The following KSR2 variants were observed in gnomAD, a reference collection of about 807,000 sequenced individuals.
The protein encoded by KSR2 is kinase suppressor of ras 2.
KSR2 carries 25 observed loss-of-function variants against 107.8 expected under a neutral mutation model. The ratio of observed to expected loss-of-function variants is 0.23; its 90% CI spans 0.17 to 0.32. The LOEUF is 0.32. KSR2 is among the 10% of genes least tolerant of loss of function. The probability of loss-of-function intolerance (pLI) is 1.00; values close to 1 mark genes in which losing one functional copy is unlikely to be tolerated. For missense variants in KSR2, 887 were observed against 1,268.9 expected, an observed-to-expected ratio of 0.70 and a Z score of 4.57; for synonymous variants, 480 against 507.0, an observed-to-expected ratio of 0.95 and a Z score of 0.71.
At chr12:117,820,051 T>A (rs1891510249) in intron 3 of KSR2, among the ~76,000 whole-genome samples, 1 of 152,244 alleles carries the variant, frequency 6.6e-6, no homozygotes, top group Non-Finnish European at 1.5e-5. Flanking sequence ...TTATGGGTGA[T>A]TTGGTTTTCT....
chr12:117,895,623 G>A (rs369323708), intron 1 of KSR2, among the ~76,000 whole-genome samples: 35 of 152,232 alleles, frequency 2.3e-4, no homozygotes, highest in African/African-American at 7.9e-4. Context: ...GAACCCTCCT[G>A]CATCACTGGG....
chr12:117,842,927 T>A lies in KSR2; in HGVS notation c.472+12501A>T, dbSNP rs1445969826. Among the ~76,000 whole-genome samples, 1 of 152,124 alleles carries A rather than the reference T, an allele frequency of 6.6e-6. No homozygotes were observed. Among genetic ancestry groups the A allele is most frequent in the African/African-American group, 2.4e-5 (1 of 41,424 alleles). On this transcript the variant is annotated intron_variant, in intron 3 of 19. Transcript: ENST00000339824. This position sits in a 1 kb window ranked among gnomAD's most constrained non-coding sequence, Gnocchi z 4.2. ...TCCTGCCCCTCCCTCCACCCCTGCCTTAGTGGGGACCAGTCAGTGGCTCTG... is the reference window on the plus strand; with the variant it reads ...TCCTGCCCCTCCCTCCACCCCTGCCATAGTGGGGACCAGTCAGTGGCTCTG...
intron 1 of KSR2, among the ~76,000 whole-genome samples, chr12:117,908,232 A>T (rs1013668315): frequency 5.9e-5 from 9 of 151,986 alleles, no homozygotes; most frequent in African/African-American, 2.2e-4. Flanking sequence ...AAAATAATTT[A>T]AAAACTCATT....
chr12:117,496,853 ATT>A (rs879774490), intron 14 of KSR2, among the ~76,000 whole-genome samples: 11 of 143,164 alleles, frequency 7.7e-5, no homozygotes, highest in South Asian at 2.2e-4. Context: ...CTGAACAGAG[ATT>A]TTTTTTTTTT....
At chr12:117,666,179 A>G (rs1593108940) in intron 5 of KSR2, among the ~76,000 whole-genome samples, 1 of 151,776 alleles carries the variant, frequency 6.6e-6, no homozygotes, top group Non-Finnish European at 1.5e-5. Context: ...ATCAGTCCAT[A>G]CCCTCAGCTG....
At chr12:117,689,816 G>T (rs1885741065) in intron 4 of KSR2, among the ~76,000 whole-genome samples, 1 of 151,410 alleles carries the variant, frequency 6.6e-6, no homozygotes, top group South Asian at 2.1e-4. Flanking sequence ...TATGGTCACA[G>T]AAAAAGAGCT....
rs1887559957 is a variant in KSR2 at position 117,729,114 on chromosome 12, CA to C, written c.986+31896del. Among the ~76,000 whole-genome samples, 3 of 151,574 alleles carry C rather than the reference CA, an allele frequency of 2.0e-5. No individual in the cohort carries two copies. The South Asian group carries it at 6.3e-4, about 32-fold the overall frequency. On this transcript the variant is annotated intron_variant, in intron 4 of 19. Coordinates refer to ENST00000339824, the MANE Select transcript of KSR2 (RefSeq NM_173598.6). ...AGGTGTTTTTCAAATGCCATGGCTA[CA>C]GAAAATGAAGTCACCAGCAGGAAAC...
intron 4 of KSR2, among the ~76,000 whole-genome samples, chr12:117,689,321 G>A (rs1885720547): frequency 6.6e-6 from 1 of 152,134 alleles, no homozygotes; most frequent in Non-Finnish European, 1.5e-5. Flanking sequence ...GTCTTAATAA[G>A]AGAGTGATTT....
At chr12:117,870,600 C>CAA (rs200857289) in intron 1 of KSR2, among the ~76,000 whole-genome samples, 1 of 149,004 alleles carries the variant, frequency 6.7e-6, no homozygotes, top group African/African-American at 2.5e-5. Flanking sequence ...GACACTGTCT[C>CAA]AAAAAGAAAA....
chr12:117,468,382 G>A (rs1424856416), intron 19 of KSR2, among the ~76,000 whole-genome samples: 3 of 152,230 alleles, frequency 2.0e-5, no homozygotes, highest in African/African-American at 4.8e-5. Flanking sequence ...CAGCTATTAC[G>A]TAGTGGAGTG....
intron 14 of KSR2, among the ~76,000 whole-genome samples, chr12:117,494,376 A>G (rs56005605): frequency 0.14 from 20,726 of 152,144 alleles, 2,638 homozygotes; most frequent in African/African-American, 0.34. Flanking sequence ...ATCTCCTGGG[A>G]AGCTTTGTTA....
At chr12:117,950,472 C>T (rs1189480189) in intron 1 of KSR2, among the ~76,000 whole-genome samples, 6 of 151,976 alleles carry the variant, frequency 3.9e-5, no homozygotes, top group Non-Finnish European at 5.9e-5. Flanking sequence ...CAGTGGCTCA[C>T]GCCTGTAATC....
chr12:117,625,845 G>T (rs888792325), intron 5 of KSR2, among the ~76,000 whole-genome samples: 9 of 152,092 alleles, frequency 5.9e-5, no homozygotes, highest in Non-Finnish European at 1.2e-4. Flanking sequence ...GACTTTTTTG[G>T]TTGGTAGGCT....
chr12:117,656,981 GATATATATATAT>G (rs59605571), intron 5 of KSR2, among the ~76,000 whole-genome samples: 130 of 98,188 alleles, frequency 1.3e-3, no homozygotes, highest in African/African-American at 4.0e-3. Flanking sequence ...TATATAATAG[GATATATATATAT>G]ATATATATAT....
chr12:117,855,352 G>A, intron 3 of KSR2, 76 bp downstream of exon 3: 1 of 1,549,100 alleles, frequency 6.5e-7, no homozygotes, highest in Non-Finnish European at 8.8e-7. Context: ...TGCAGTGGCG[G>A]GCACGGGATG....
chr12:117,729,187 G>A (rs1385637934), intron 4 of KSR2, among the ~76,000 whole-genome samples: 1 of 151,598 alleles, frequency 6.6e-6, no homozygotes, highest in Non-Finnish European at 1.5e-5. Context: ...GTGCCCCTCG[G>A]GAGTCTACAA....
intron 4 of KSR2, among the ~76,000 whole-genome samples, chr12:117,707,574 G>A (rs1429646768): frequency 1.3e-5 from 2 of 152,154 alleles, no homozygotes; most frequent in Non-Finnish European, 2.9e-5. Context: ...ATAGAAAGGG[G>A]TGGGATATGA....
At chr12:117,770,533 TACAA>T (rs1889403799) in intron 3 of KSR2, among the ~76,000 whole-genome samples, 1 of 151,748 alleles carries the variant, frequency 6.6e-6, no homozygotes, top group African/African-American at 2.4e-5. Context: ...AGATTTTTTT[TACAA>T]AAGCCCTAGA....
intron 7 of KSR2, among the ~76,000 whole-genome samples, chr12:117,573,560 C>T (rs927164344): frequency 7.1e-6 from 1 of 140,194 alleles, no homozygotes; most frequent in Non-Finnish European, 1.5e-5. Flanking sequence ...TAGGGTCTCA[C>T]TCTGTCACCC....
Sources: gnomAD v4.1 joint callset for allele counts (sites outside exome capture counted in the v4.1 genomes callset) on GRCh38, gnomAD v4.1.1 for gene constraint, Gnocchi (gnomAD v3.1) non-coding constraint, MANE v1.5 for transcripts, NCBI Gene and HGNC (gene_info 2026-07-23, HGNC 2026-07-21) for gene names.